CELF2: variants seen among roughly 807,000 people sequenced by gnomAD.
The protein encoded by CELF2 is CUGBP Elav-like family member 2.
A neutral mutation model predicts 62.6 loss-of-function variants in CELF2; 8 were observed. That is an observed-to-expected ratio of 0.13 (90% CI 0.07 to 0.23). The LOEUF (loss-of-function observed/expected upper bound fraction) is 0.23, where lower values mean the gene tolerates loss of function less well. CELF2 is among the 10% of genes least tolerant of loss of function. The pLI, the probability that CELF2 is intolerant of heterozygous loss-of-function variation, is 1.00. For missense variants in CELF2, 333 were observed against 671.0 expected (o/e 0.50, Z 5.56); for synonymous variants, 258 against 250.0 (o/e 1.03, Z -0.30).
At chr10:11,059,417 C>G (rs911817458) in intron 1 of CELF2, among the ~76,000 whole-genome samples, 1 of 151,992 alleles carries the variant, frequency 6.6e-6, no homozygotes, top group Admixed American at 6.6e-5. Flanking sequence ...AATTTAAGAC[C>G]GTTTACCAAA....
intron 9 of CELF2, among the ~76,000 whole-genome samples, chr10:11,301,487 T>C (rs1189433000): frequency 1.1e-4 from 1 of 9,124 alleles, no homozygotes; most frequent in Non-Finnish European, 2.8e-4. Flanking sequence ...CTTCCCCCCC[T>C]ACCGCACCCC....
chr10:10,697,118 CA>C, the CELF2 span, among the ~76,000 whole-genome samples: 41,478 of 142,294 alleles, frequency 0.29, 6,158 homozygotes, highest in South Asian at 0.52. Context: ...TAGAAGGAGA[CA>C]AAAAAAAAAA....
intron 1 of CELF2, among the ~76,000 whole-genome samples, chr10:10,919,456 A>G (rs1430038688): frequency 6.6e-6 from 1 of 152,216 alleles, no homozygotes; most frequent in East Asian, 1.9e-4. Context: ...ACTTTATAAC[A>G]AAGAAATGAA....
Position 11,327,153 on chromosome 10 carries a change from T to C in CELF2, c.1438+1174T>C, listed in dbSNP as rs551593827. ...GCTGTGGCAACTGTATAAACCCGTGTGACAGTTCAGTAGAGAGGGATATGC... is the reference window on the plus strand; with the variant it reads ...GCTGTGGCAACTGTATAAACCCGTGCGACAGTTCAGTAGAGAGGGATATGC... On this transcript the variant is annotated intron_variant, in intron 12 of 12. Coordinates refer to ENST00000633077, the MANE Select transcript of CELF2 (RefSeq NM_001326342.2). 7.8e-5 allele frequency among the ~76,000 whole-genome samples: 10 copies of C among 128,342 alleles called. No homozygotes were observed. In the South Asian group the frequency reaches 1.2e-3, roughly 15 times the overall value. The allele number at this position is 128,342 out of a possible 152,430, so 84.2% of individuals were successfully genotyped here.
chr10:10,996,581 A>T (rs1201732882), intron 2 of CELF2, among the ~76,000 whole-genome samples: 1 of 152,220 alleles, frequency 6.6e-6, no homozygotes, highest in Non-Finnish European at 1.5e-5. Context: ...GCATCCAAAT[A>T]AAGAATTCAT....
At chr10:10,924,510 G>T (rs951463852) in intron 2 of CELF2, among the ~76,000 whole-genome samples, 2 of 152,048 alleles carry the variant, frequency 1.3e-5, no homozygotes, top group Non-Finnish European at 2.9e-5. Flanking sequence ...AGATTCATAT[G>T]TTGATTCTTA....
At chr10:10,777,292 G>A in the CELF2 span, among the ~76,000 whole-genome samples, 9 of 152,150 alleles carry the variant, frequency 5.9e-5, no homozygotes, top group Non-Finnish European at 1.3e-4. Flanking sequence ...CTTGGCCCTG[G>A]TGCATCCTCA....
rs996481383 is a variant in CELF2 at position 11,223,187 on chromosome 10, C to T, written c.354+5680C>T. ...AGAGGGTGCTTGAGAAATGGCCGTG[C>T]GATGATGGTGAGCTCTGCTTCCCAG... On this transcript the variant is annotated intron_variant, in intron 3 of 12. Coordinates refer to ENST00000633077, the MANE Select transcript of CELF2 (RefSeq NM_001326342.2). The surrounding 1 kb of genome is among the most constrained non-coding windows in gnomAD (Gnocchi z 5.1). Among the ~76,000 whole-genome samples the T allele has an allele frequency of 1.3e-5, 2 of 152,164 alleles. No individual in the cohort carries two copies. The highest frequency in any genetic ancestry group is 2.1e-4 in the South Asian group (1 of 4,828).
the CELF2 span, among the ~76,000 whole-genome samples, chr10:10,760,119 GTCTCAAAC>G: frequency 6.6e-6 from 1 of 152,108 alleles, no homozygotes; most frequent in African/African-American, 2.4e-5. Flanking sequence ...GGCCAGGCTG[GTCTCAAAC>G]TCCTGACCTC....
chr10:10,849,931 A>T (rs1468004671), intron 1 of CELF2, among the ~76,000 whole-genome samples: 1 of 152,052 alleles, frequency 6.6e-6, no homozygotes, highest in Non-Finnish European at 1.5e-5. Context: ...TCACAAGGTC[A>T]GGAGTTTGAG....
chr10:10,632,377 ATGT>A, the CELF2 span, among the ~76,000 whole-genome samples: 1 of 152,112 alleles, frequency 6.6e-6, no homozygotes, highest in African/African-American at 2.4e-5. Flanking sequence ...TAGAAGCCTC[ATGT>A]TGTCATTATT....
intron 1 of CELF2, among the ~76,000 whole-genome samples, chr10:11,106,500 G>A (rs1278142422): frequency 1.3e-5 from 2 of 152,198 alleles, no homozygotes; most frequent in Admixed American, 6.5e-5. Context: ...GCCTCCCAAA[G>A]GGCTGGGATT....
chr10:10,762,724 G>A, the CELF2 span, among the ~76,000 whole-genome samples: 9 of 152,254 alleles, frequency 5.9e-5, no homozygotes, highest in Admixed American at 3.9e-4. Flanking sequence ...AGCAGTTCCA[G>A]AAGGATACAG....
rs547092783 is a variant in CELF2 at position 11,324,935 on chromosome 10, C to T, written c.1295-901C>T. On this transcript the variant is annotated intron_variant, in intron 11 of 12. Transcript: ENST00000633077. This position sits in a 1 kb window ranked among gnomAD's most constrained non-coding sequence, Gnocchi z 4.7. ...TCCTCGGAAGACTCCATGCCTGGAA[C>T]GCCCAAGAAACAGCCAGCCCTCATC... 5.3e-5 allele frequency among the ~76,000 whole-genome samples: 8 copies of T among 152,306 alleles called. No homozygotes were observed. The highest frequency in any genetic ancestry group is 1.2e-4 in the Non-Finnish European group (8 of 68,040).
the CELF2 span, among the ~76,000 whole-genome samples, chr10:10,609,453 C>T: frequency 5.9e-5 from 9 of 152,064 alleles, no homozygotes; most frequent in Non-Finnish European, 8.8e-5. Context: ...AATACCACCG[C>T]GCGTGCACAC....
chr10:10,621,631 G>A, the CELF2 span, among the ~76,000 whole-genome samples: 3 of 152,272 alleles, frequency 2.0e-5, no homozygotes, highest in South Asian at 6.2e-4. Context: ...TCAGGAAACA[G>A]GAATTATTGT....
the CELF2 span, among the ~76,000 whole-genome samples, chr10:10,674,117 G>A: frequency 1.3e-5 from 2 of 152,092 alleles, no homozygotes; most frequent in Non-Finnish European, 2.9e-5. Context: ...GCTGATAGAG[G>A]GGTATTAAAG....
chr10:11,096,826 T>C (rs1396788143), intron 1 of CELF2, among the ~76,000 whole-genome samples: 1 of 152,236 alleles, frequency 6.6e-6, no homozygotes, highest in Non-Finnish European at 1.5e-5. Context: ...GAGGTTACTT[T>C]CAAATCACTG....
chr10:10,614,624 G>T, the CELF2 span, among the ~76,000 whole-genome samples: 1 of 152,082 alleles, frequency 6.6e-6, no homozygotes, highest in African/African-American at 2.4e-5. Context: ...TTGCTTATTC[G>T]CAAATAAAAA....
Sources: gnomAD v4.1 joint callset for allele counts (sites outside exome capture counted in the v4.1 genomes callset) on GRCh38, gnomAD v4.1.1 for gene constraint, Gnocchi (gnomAD v3.1) non-coding constraint, MANE v1.5 for transcripts, NCBI Gene and HGNC (gene_info 2026-07-23, HGNC 2026-07-21) for gene names.